ARID1B: variants seen among roughly 807,000 people sequenced by gnomAD.
The protein encoded by ARID1B is AT-rich interaction domain 1B, also known as AT-rich interactive domain-containing protein 1B.
In ARID1B, 30 loss-of-function variants were observed where a neutral mutation model predicts 212.3. That is an observed-to-expected ratio of 0.14 (90% CI 0.11 to 0.19). The LOEUF (loss-of-function observed/expected upper bound fraction) is 0.19, where lower values mean the gene tolerates loss of function less well. Ranked by LOEUF, ARID1B falls within the 10% of genes least tolerant of loss-of-function variation. The pLI is 1.00. For missense variants in ARID1B, 2,891 were observed against 3,204.0 expected, an observed-to-expected ratio of 0.90 and a Z score of 2.36; for synonymous variants, 1,402 against 1,301.7, an observed-to-expected ratio of 1.08 and a Z score of -1.66.
At chr6:157,156,147 T>TG (rs1168980973) in intron 8 of ARID1B, among the ~76,000 whole-genome samples, 1 of 152,178 alleles carries the variant, frequency 6.6e-6, no homozygotes, top group African/African-American at 2.4e-5. Flanking sequence ...CCAGTTGTAG[T>TG]GGGGTCCATG....
At chr6:157,128,074 C>T (rs12216044) in intron 6 of ARID1B, among the ~76,000 whole-genome samples, 15,178 of 152,058 alleles carry the variant, frequency 0.1, 884 homozygotes, top group African/African-American at 0.13. Context: ...GATATGATTG[C>T]CCCCATTTTA....
At chr6:157,001,215 C>T (rs1191366585) in intron 4 of ARID1B, among the ~76,000 whole-genome samples, 4 of 152,250 alleles carry the variant, frequency 2.6e-5, no homozygotes, top group East Asian at 1.9e-4. Flanking sequence ...GGTTCATTTT[C>T]GAAGATATCT....
intron 2 of ARID1B, among the ~76,000 whole-genome samples, chr6:156,894,214 G>A (rs767604573): frequency 2.6e-4 from 36 of 137,852 alleles, no homozygotes; most frequent in Non-Finnish European, 4.9e-4. Context: ...CTGCCTATGT[G>A]AGATAGCAAG....
chr6:157,196,647 T>C lies in ARID1B; in HGVS notation c.4382+332T>C, dbSNP rs555815362. Among the ~76,000 whole-genome samples the C allele has an allele frequency of 6.0e-4, 91 of 152,284 alleles. 1 individual carries two copies. The East Asian group carries it at 0.013, about 22-fold the overall frequency. ...GACTGCCAGCTGCACACTCCAGACATGGCTCGCCTGGAGCTCCTGGATGCC... is the reference window on the plus strand; with the variant it reads ...GACTGCCAGCTGCACACTCCAGACACGGCTCGCCTGGAGCTCCTGGATGCC... On this transcript the variant is annotated intron_variant, in intron 16 of 19. Coordinates refer to ENST00000636930, the MANE Select transcript of ARID1B (RefSeq NM_001374828.1).
At chr6:156,970,532 G>T (rs1027160974) in intron 4 of ARID1B, among the ~76,000 whole-genome samples, 1 of 152,112 alleles carries the variant, frequency 6.6e-6, no homozygotes, top group Non-Finnish European at 1.5e-5. Flanking sequence ...CTATGATGTT[G>T]CAAATTTTGG....
At chr6:157,005,276 C>T (rs537294260) in intron 4 of ARID1B, among the ~76,000 whole-genome samples, 21 of 151,978 alleles carry the variant, frequency 1.4e-4, no homozygotes, top group African/African-American at 5.1e-4. Context: ...GCCTCAGCCT[C>T]CTGAGTAGCT....
At chr6:157,116,724 G>T (rs1315074270) in intron 6 of ARID1B, among the ~76,000 whole-genome samples, 1 of 151,936 alleles carries the variant, frequency 6.6e-6, no homozygotes, top group African/African-American at 2.4e-5. Flanking sequence ...GGTGCTGAAA[G>T]CATCTTAGGT....
Position 156,779,225 on chromosome 6 carries a change from C to G in ARID1B, c.1545C>G (p.Ser515Arg). ...CCTCGCCCAGCCCCATGATGCGGAGCTACGGCGGCAGCTACCCCGAGTACA... is the reference window on the plus strand; with the variant it reads ...CCTCGCCCAGCCCCATGATGCGGAGGTACGGCGGCAGCTACCCCGAGTACA... Reference protein sequence around the residue: ...LLTSPSPMMRSYGGSYPEYSS... With the variant: ...LLTSPSPMMRRYGGSYPEYSS... Residue 515 changes from serine (S) to arginine (R), a missense_variant, in exon 1 of 20, where the codon AGC becomes AGG. Around this residue, in one of 7 missense-constraint regions of ARID1B, gnomAD observed 1,643 missense variants for 1,544.0 expected, o/e 1.06. Transcript: ENST00000636930. The G allele has an allele frequency of 3.2e-6, 4 of 1,267,556 alleles. No homozygotes were observed. The highest frequency in any genetic ancestry group is 4.0e-6 in the Non-Finnish European group (4 of 998,358). The allele number at this position is 1,267,556 out of a possible 1,614,324, so 78.5% of individuals were successfully genotyped here. A position where few individuals can be genotyped will look rare whatever the true frequency, so the allele number is the denominator to read the frequency against.
At chr6:156,882,582 GTC>G (rs1787185391) in intron 2 of ARID1B, among the ~76,000 whole-genome samples, 1 of 152,126 alleles carries the variant, frequency 6.6e-6, no homozygotes, top group African/African-American at 2.4e-5. Context: ...CATTGCTGTG[GTC>G]TCTTTCAATC....
rs936880129 is a variant in ARID1B, at chr6:157,196,646, A to G, written c.4382+331A>G. 2.6e-5 allele frequency among the ~76,000 whole-genome samples: 4 copies of G among 152,122 alleles called. No individual in the cohort carries two copies. In the South Asian group the frequency reaches 6.2e-4, roughly 24 times the overall value. ...GGACTGCCAGCTGCACACTCCAGAC[A>G]TGGCTCGCCTGGAGCTCCTGGATGC... On this transcript the variant is annotated intron_variant, in intron 16 of 19. Coordinates refer to ENST00000636930, the MANE Select transcript of ARID1B (RefSeq NM_001374828.1).
At chr6:156,990,173 C>CTTTTT (rs11156127) in intron 4 of ARID1B, among the ~76,000 whole-genome samples, 1 of 134,798 alleles carries the variant, frequency 7.4e-6, no homozygotes, top group African/African-American at 2.8e-5. Context: ...ATTTCCTTAA[C>CTTTTT]TTTTTTTTTT....
At position 157,173,939 on chromosome 6, in the gene ARID1B, G is replaced by C. The variant is rs566666317; in HGVS notation, c.3236-69G>C. 34 of 1,354,504 alleles carry C rather than the reference G, an allele frequency of 2.5e-5. No individual in the cohort carries two copies. The African/African-American group carries it at 4.8e-4, about 19-fold the overall frequency. The allele number at this position is 1,354,504 out of a possible 1,614,324, so 83.9% of individuals were successfully genotyped here. A position where few individuals can be genotyped will look rare whatever the true frequency, so the allele number is the denominator to read the frequency against. On this transcript the variant is annotated intron_variant, in intron 9 of 19. Transcript: ENST00000636930. ...GGCCTCCTGCTTCACTCTGTAACTT[G>C]TGTTGGCAGGAGTACAGTCTGACGA...
intron 4 of ARID1B, among the ~76,000 whole-genome samples, chr6:156,983,756 A>G (rs1479563771): frequency 2.6e-5 from 4 of 152,084 alleles, no homozygotes; most frequent in African/African-American, 4.8e-5. Context: ...GGTGTCTACA[A>G]TGGAAGAGGG....
At chr6:157,013,068 G>A (rs549383999) in intron 4 of ARID1B, among the ~76,000 whole-genome samples, 1 of 152,252 alleles carries the variant, frequency 6.6e-6, no homozygotes, top group African/African-American at 2.4e-5. Context: ...TAGTAGGGAC[G>A]GGGTTTCTCC....
intron 5 of ARID1B, among the ~76,000 whole-genome samples, chr6:157,101,782 T>C (rs1299760939): frequency 6.6e-6 from 1 of 152,138 alleles, no homozygotes; most frequent in South Asian, 2.1e-4. Flanking sequence ...TCAGCTAACG[T>C]AGGAAAATTG....
intron 1 of ARID1B, among the ~76,000 whole-genome samples, chr6:156,814,343 G>A (rs1238412603): frequency 6.6e-6 from 1 of 152,046 alleles, no homozygotes; most frequent in African/African-American, 2.4e-5. Context: ...CACTTGAGCC[G>A]GGTAAGCCAT....
chr6:156,992,599 T>C (rs1261847249), intron 4 of ARID1B, among the ~76,000 whole-genome samples: 1 of 151,934 alleles, frequency 6.6e-6, no homozygotes, highest in Non-Finnish European at 1.5e-5. Context: ...GGGCCGTAGG[T>C]TTTGGAGCGG....
chr6:157,037,265 G>A (rs556378908), intron 4 of ARID1B, among the ~76,000 whole-genome samples: 77 of 152,262 alleles, frequency 5.1e-4, no homozygotes, highest in African/African-American at 1.7e-3. Context: ...AAACGTCCCC[G>A]CTTCAGACAG....
At chr6:157,075,160 A>AAAAG (rs10644686) in intron 4 of ARID1B, among the ~76,000 whole-genome samples, 1 of 152,074 alleles carries the variant, frequency 6.6e-6, no homozygotes, top group South Asian at 2.1e-4. Flanking sequence ...ACAAAAATGA[A>AAAAG]AACTCATTTT....
Sources: gnomAD v4.1 joint callset for allele counts (sites outside exome capture counted in the v4.1 genomes callset) on GRCh38, gnomAD v4.1.1 for gene constraint, gnomAD v4.1.1 regional missense constraint, MANE v1.5 for transcripts, NCBI Gene and HGNC (gene_info 2026-07-23, HGNC 2026-07-21) for gene names.